The following WDFY2 variants were observed in gnomAD, a reference collection of about 807,000 sequenced individuals.
WDFY2 encodes the protein WD repeat and FYVE domain containing 2.
WDFY2 carries 36 observed loss-of-function variants against 56.4 expected under a neutral mutation model. The ratio of observed to expected loss-of-function variants is 0.64; its 90% CI spans 0.49 to 0.84. The LOEUF is 0.84. WDFY2 is among the 40% of genes least tolerant of loss of function. The probability of loss-of-function intolerance (pLI) is 0.00; values close to 1 mark genes in which losing one functional copy is unlikely to be tolerated. For synonymous variants in WDFY2, 176 were observed against 183.7 expected, an observed-to-expected ratio of 0.96 and a Z score of 0.34; for missense variants, 444 against 512.2, an observed-to-expected ratio of 0.87 and a Z score of 1.29.
At chr13:51,683,582 A>G (rs1021504212) in intron 3 of WDFY2, among the ~76,000 whole-genome samples, 8 of 152,202 alleles carry the variant, frequency 5.3e-5, no homozygotes, top group African/African-American at 1.7e-4. Context: ...CATGAAATAT[A>G]TCTTCCAGGG....
intron 1 of WDFY2, chr13:51,588,761 C>G (rs1593843843): frequency 6.6e-6 from 1 of 152,160 alleles, no homozygotes; most frequent in Non-Finnish European, 1.5e-5. Context: ...CAGAACTCAG[C>G]ACTCAGTGTC....
intron 3 of WDFY2, among the ~76,000 whole-genome samples, chr13:51,677,649 G>C (rs1955909743): frequency 2.0e-5 from 3 of 152,162 alleles, no homozygotes. Flanking sequence ...AGAACACATT[G>C]TGTAAGATAG....
intron 9 of WDFY2, among the ~76,000 whole-genome samples, chr13:51,755,695 G>A (rs2897944): frequency 0.28 from 41,877 of 152,028 alleles, 5,932 homozygotes; most frequent in South Asian, 0.36. Context: ...TTAGAATTCT[G>A]TTGGCCTCTA....
Position 51,732,331 on chromosome 13 carries a change from A to G in WDFY2, c.598+4541A>G, listed in dbSNP as rs565516832. On this transcript the variant is annotated intron_variant, in intron 6 of 11. Transcript: ENST00000298125. The stretch of plus-strand genomic sequence containing the variant: ...TTTTTAGTAGAGGCAGGGTTTTACC[A>G]TGTTGGCCAGGCTCCTGACCTCAAA... Among the ~76,000 whole-genome samples, 380 of 152,218 alleles carry G rather than the reference A, an allele frequency of 2.5e-3. 3 individuals carry two copies. The highest frequency in any genetic ancestry group is 4.7e-3 in the Non-Finnish European group (321 of 68,008).
chr13:51,640,202 A>G (rs1955129179), intron 1 of WDFY2, among the ~76,000 whole-genome samples: 1 of 152,186 alleles, frequency 6.6e-6, no homozygotes, highest in South Asian at 2.1e-4. Flanking sequence ...ATTAATAATC[A>G]CTACTGTTTT....
intron 2 of WDFY2, among the ~76,000 whole-genome samples, chr13:51,662,258 G>A (rs946266710): frequency 1.1e-4 from 17 of 152,056 alleles, no homozygotes; most frequent in African/African-American, 3.9e-4. Context: ...GAGCCACCAC[G>A]CCTAGCCTTT....
chr13:51,628,546 T>C (rs1171526846), intron 1 of WDFY2, among the ~76,000 whole-genome samples: 1 of 152,124 alleles, frequency 6.6e-6, no homozygotes, highest in Non-Finnish European at 1.5e-5. Context: ...ACCAACTCGG[T>C]AGGGGGCAGG....
intron 2 of WDFY2, among the ~76,000 whole-genome samples, chr13:51,662,162 G>A (rs1057133674): frequency 2.0e-5 from 3 of 152,016 alleles, no homozygotes; most frequent in Admixed American, 6.6e-5. Flanking sequence ...GTAGAGATGG[G>A]GTTTCACCAT....
intron 3 of WDFY2, 100 bp from the exon 4 acceptor site, chr13:51,703,496 A>G (rs1159861745): frequency 1.3e-5 from 11 of 848,694 alleles, no homozygotes; most frequent in Non-Finnish European, 2.0e-5. Context: ...TGTTGGATGT[A>G]ATCGTCATGA....
intron 1 of WDFY2, among the ~76,000 whole-genome samples, chr13:51,617,015 G>A (rs1048462454): frequency 1.3e-5 from 2 of 152,148 alleles, no homozygotes; most frequent in Non-Finnish European, 2.9e-5. Flanking sequence ...AAAATGATTC[G>A]TATATATTTA....
At chr13:51,653,564 G>T (rs1164307087) in intron 1 of WDFY2, among the ~76,000 whole-genome samples, 1 of 152,116 alleles carries the variant, frequency 6.6e-6, no homozygotes, top group Non-Finnish European at 1.5e-5. Flanking sequence ...TGATGGTGAC[G>T]TACAGATGGG....
chr13:51,755,215 AT>A (rs1953340156), intron 8 of WDFY2, 142 bp from the exon 9 acceptor site: 1 of 744,158 alleles, frequency 1.3e-6, no homozygotes, highest in Admixed American at 2.6e-5. Flanking sequence ...TTCAGTAAAT[AT>A]TTTTTGAATG....
At chr13:51,682,307 A>T (rs1205278703) in intron 3 of WDFY2, among the ~76,000 whole-genome samples, 1 of 152,178 alleles carries the variant, frequency 6.6e-6, no homozygotes, top group South Asian at 2.1e-4. Context: ...TAGGAACCTT[A>T]TATCTAAATA....
intron 1 of WDFY2, chr13:51,593,954 T>C (rs1954098360): frequency 6.6e-6 from 1 of 152,238 alleles, no homozygotes; most frequent in Non-Finnish European, 1.5e-5. Flanking sequence ...CTGGCTGCAG[T>C]GCAGTGGCCA....
Position 51,644,831 on chromosome 13 carries a change from A to G in WDFY2, c.138-15765A>G, listed in dbSNP as rs972274090. 5.3e-5 allele frequency among the ~76,000 whole-genome samples: 8 copies of G among 152,312 alleles called. No homozygotes were observed. In the East Asian group the frequency reaches 1.5e-3, roughly 29 times the overall value. ...GGGACCAGAGGCTGGACAATACTGG[A>G]CAACACCCAGCTTGAGTCTCTGAGT... On this transcript the variant is annotated intron_variant, in intron 1 of 11. Coordinates refer to ENST00000298125, the MANE Select transcript of WDFY2 (RefSeq NM_052950.4).
In WDFY2 at chr13:51,584,652, G is replaced by A. The variant is rs899364017; in HGVS notation, c.-36G>A. 16 of 1,595,404 alleles carry A rather than the reference G, an allele frequency of 1.0e-5. No individual in the cohort carries two copies. Among genetic ancestry groups the A allele is most frequent in the African/African-American group, 1.3e-5 (1 of 74,542 alleles). ...CTCCTCAGCCCGGCCCCGCGGCGCGGTTGGCGGCGGCGCCCCAGGCGCGCC... is the reference window on the plus strand; with the variant it reads ...CTCCTCAGCCCGGCCCCGCGGCGCGATTGGCGGCGGCGCCCCAGGCGCGCC... On this transcript the variant is annotated 5_prime_UTR_variant, in exon 1 of 12. Coordinates refer to ENST00000298125, the MANE Select transcript of WDFY2 (RefSeq NM_052950.4).
intron 1 of WDFY2, among the ~76,000 whole-genome samples, chr13:51,643,144 G>A (rs887746101): frequency 1.3e-5 from 2 of 152,040 alleles, no homozygotes; most frequent in Non-Finnish European, 2.9e-5. Context: ...TTGTCATTAG[G>A]TATAGTCACA....
Position 51,584,657 on chromosome 13 carries a change from C to A in WDFY2, c.-31C>A. 6.3e-7 allele frequency: 1 copy of A among 1,597,000 alleles called. No homozygotes were observed. Among genetic ancestry groups the A allele is most frequent in the Non-Finnish European group, 8.5e-7 (1 of 1,173,914 alleles). ...CAGCCCGGCCCCGCGGCGCGGTTGG[C>A]GGCGGCGCCCCAGGCGCGCCCCCTC... On this transcript the variant is annotated 5_prime_UTR_variant, in exon 1 of 12. Coordinates refer to ENST00000298125, the MANE Select transcript of WDFY2 (RefSeq NM_052950.4).
At chr13:51,603,661 G>A (rs908232355) in intron 1 of WDFY2, among the ~76,000 whole-genome samples, 54 of 152,330 alleles carry the variant, frequency 3.5e-4, no homozygotes, top group African/African-American at 1.0e-3. Flanking sequence ...GGAAGAAGGA[G>A]TTGTAAGACC....
Sources: allele counts gnomAD v4.1 joint callset (sites outside exome capture counted in the v4.1 genomes callset), GRCh38; gene constraint gnomAD v4.1.1; transcripts MANE v1.5; gene names NCBI Gene and HGNC (gene_info 2026-07-23, HGNC 2026-07-21).